TMEFF1: variants seen among roughly 807,000 people sequenced by gnomAD.
The protein encoded by TMEFF1 is tomoregulin-1.
A neutral mutation model predicts 47.5 loss-of-function variants in TMEFF1; 20 were observed. The ratio of observed to expected loss-of-function variants is 0.42; its 90% CI spans 0.30 to 0.61. TMEFF1 has a LOEUF of 0.61. TMEFF1 is among the 20% of genes least tolerant of loss of function. TMEFF1 has a pLI of 0.19. For missense variants in TMEFF1, 411 were observed against 471.1 expected, an observed-to-expected ratio of 0.87 and a Z score of 1.18; for synonymous variants, 162 against 166.3, an observed-to-expected ratio of 0.97 and a Z score of 0.20.
intron 5 of TMEFF1, among the ~76,000 whole-genome samples, chr9:100,544,106 A>ATATATATATATAT (rs1838688977): frequency 6.6e-6 from 1 of 151,544 alleles, no homozygotes; most frequent in African/African-American, 2.4e-5. Flanking sequence ...ATATATATAT[A>ATATATATATATAT]ACTTTTTTAG....
intron 5 of TMEFF1, among the ~76,000 whole-genome samples, chr9:100,523,329 G>A (rs2118412486): frequency 1.3e-5 from 2 of 152,218 alleles, no homozygotes; most frequent in Middle Eastern, 6.8e-3. Context: ...GTTCCTATGT[G>A]ACCATATTCT....
At chr9:100,540,396 G>A (rs1029786539) in intron 5 of TMEFF1, among the ~76,000 whole-genome samples, 4 of 152,332 alleles carry the variant, frequency 2.6e-5, no homozygotes, top group Non-Finnish European at 5.9e-5. Context: ...CACTTGCCTC[G>A]GGACCTTGCG....
At chr9:100,527,068 G>A (rs1251273329) in intron 5 of TMEFF1, among the ~76,000 whole-genome samples, 7 of 150,054 alleles carry the variant, frequency 4.7e-5, no homozygotes, top group Non-Finnish European at 1.0e-4. Context: ...TCTCAAACCC[G>A]AGAGGCGGAG....
chr9:100,504,521 C>T (rs752723610), intron 2 of TMEFF1, among the ~76,000 whole-genome samples: 2 of 152,098 alleles, frequency 1.3e-5, no homozygotes, highest in African/African-American at 4.8e-5. Context: ...CAAATACTTA[C>T]GACTGAGAAA....
intron 1 of TMEFF1, among the ~76,000 whole-genome samples, chr9:100,492,981 A>G (rs564527127): frequency 6.6e-6 from 1 of 152,264 alleles, no homozygotes; most frequent in South Asian, 2.1e-4. Flanking sequence ...TTATTTGACT[A>G]ATTTTCCTTG....
At chr9:100,556,210 G>T (rs888545542) in intron 7 of TMEFF1, among the ~76,000 whole-genome samples, 3 of 152,020 alleles carry the variant, frequency 2.0e-5, no homozygotes, top group Admixed American at 2.0e-4. Flanking sequence ...CAAACTTCTG[G>T]AACTACCATA....
At position 100,516,737 on chromosome 9, in the gene TMEFF1, A is replaced by G; in HGVS notation, c.526A>G (p.Lys176Glu). Reference protein sequence around the residue: ...KHSKCGPCKYKAECDEDAENV... With the variant: ...KHSKCGPCKYEAECDEDAENV... ...CTCCAAGTGTGGACCCTGCAAATAT[A>G]AAGCTGAGTGTGATGAAGATGCAGA... Residue 176 changes from lysine (K) to glutamate (E), a missense_variant, in exon 5 of 10, where the codon AAA becomes GAA. By Grantham distance (56) the Lys-to-Glu change is moderately conservative. Transcript: ENST00000374879. 6.2e-7 allele frequency: 1 copy of G among 1,613,792 alleles called. No individual in the cohort carries two copies. The highest frequency in any genetic ancestry group is 8.5e-7 in the Non-Finnish European group (1 of 1,179,868).
intron 5 of TMEFF1, among the ~76,000 whole-genome samples, chr9:100,530,520 C>T (rs543422949): frequency 4.9e-4 from 75 of 152,310 alleles, no homozygotes; most frequent in Admixed American, 1.4e-3. Flanking sequence ...CATACACCCT[C>T]CCAAGACTAA....
At chr9:100,505,410 C>CAAAAAAAAAAAAAAAAAAAAAAAAAA (rs60312984) in intron 2 of TMEFF1, among the ~76,000 whole-genome samples, 1 of 26,430 alleles carries the variant, frequency 3.8e-5, no homozygotes, top group Non-Finnish European at 6.1e-5. Context: ...GACCCTGTCT[C>CAAAAAAAAAAAAAAAAAAAAAAAAAA]AAAAAAAAAA....
chr9:100,569,313 T>G (rs1839182320), intron 8 of TMEFF1, among the ~76,000 whole-genome samples: 1 of 152,248 alleles, frequency 6.6e-6, no homozygotes, highest in South Asian at 2.1e-4. Flanking sequence ...ATGTTGAGCA[T>G]CTTTTCATGT....
chr9:100,554,959 T>C (rs1418172918), intron 7 of TMEFF1, among the ~76,000 whole-genome samples: 1 of 152,092 alleles, frequency 6.6e-6, no homozygotes, highest in Admixed American at 6.6e-5. Flanking sequence ...TGTACACTGT[T>C]GGACCAGGAC....
chr9:100,480,519 AC>A (rs1423448012), intron 1 of TMEFF1, among the ~76,000 whole-genome samples: 1 of 152,244 alleles, frequency 6.6e-6, no homozygotes, highest in African/African-American at 2.4e-5. Flanking sequence ...TATGGTTAAG[AC>A]AACTGAAACA....
intron 1 of TMEFF1, among the ~76,000 whole-genome samples, chr9:100,481,687 G>C (rs866010252): frequency 6.6e-6 from 1 of 152,152 alleles, no homozygotes; most frequent in Admixed American, 6.5e-5. Context: ...AGAGCCTGGC[G>C]GTACGATGAA....
chr9:100,482,429 C>A (rs780445578), intron 1 of TMEFF1, among the ~76,000 whole-genome samples: 1 of 149,634 alleles, frequency 6.7e-6, no homozygotes, highest in Non-Finnish European at 1.5e-5. Context: ...AACTCCTGAC[C>A]TCAAGTAATC....
chr9:100,500,365 A>G (rs2118325344), intron 2 of TMEFF1, among the ~76,000 whole-genome samples: 1 of 152,054 alleles, frequency 6.6e-6, no homozygotes, highest in Non-Finnish European at 1.5e-5. Flanking sequence ...ATTATTTCTT[A>G]TAATCTGGGA....
chr9:100,555,788 C>T (rs1838904699), intron 7 of TMEFF1, among the ~76,000 whole-genome samples: 2 of 152,158 alleles, frequency 1.3e-5, no homozygotes, highest in African/African-American at 4.8e-5. Flanking sequence ...TCATAAGTGA[C>T]ATCAGTAGGA....
intron 9 of TMEFF1, among the ~76,000 whole-genome samples, chr9:100,573,353 A>G (rs1287201581): frequency 2.0e-5 from 3 of 152,158 alleles, no homozygotes; most frequent in Non-Finnish European, 1.5e-5. Flanking sequence ...TAAGCTTTAA[A>G]ATTCTGTATT....
intron 1 of TMEFF1, among the ~76,000 whole-genome samples, chr9:100,479,799 T>C (rs1371506713): frequency 6.6e-6 from 1 of 152,254 alleles, no homozygotes; most frequent in Non-Finnish European, 1.5e-5. Context: ...TTTTTACTTT[T>C]TGGCTGTTAT....
chr9:100,521,087 C>T (rs768565111), intron 5 of TMEFF1, among the ~76,000 whole-genome samples: 7 of 152,136 alleles, frequency 4.6e-5, no homozygotes, highest in East Asian at 1.9e-4. Context: ...AACAAACACT[C>T]GCAGAAACTG....
Sources: gnomAD v4.1 joint callset for allele counts (sites outside exome capture counted in the v4.1 genomes callset) on GRCh38, gnomAD v4.1.1 for gene constraint, MANE v1.5 for transcripts, NCBI Gene and HGNC (gene_info 2026-07-23, HGNC 2026-07-21) for gene names.